Variants in MBNL1 observed in about 807,000 individuals in gnomAD.
MBNL1 encodes muscleblind like splicing regulator 1.
Under a neutral mutation model 42.2 loss-of-function variants are expected in MBNL1, and 8 were observed. The ratio of observed to expected loss-of-function variants is 0.19; its 90% CI spans 0.11 to 0.34. MBNL1 has a LOEUF of 0.34. Among genes scored for constraint, MBNL1 ranks in the 10% least tolerant of loss-of-function variants. The pLI is 1.00. For synonymous variants in MBNL1, 169 were observed against 173.9 expected (o/e 0.97, Z 0.22); for missense variants, 309 against 495.3 (o/e 0.62, Z 3.57).
At chr3:152,351,905 T>C (rs1182844257) in intron 2 of MBNL1, among the ~76,000 whole-genome samples, 1 of 152,252 alleles carries the variant, frequency 6.6e-6, no homozygotes, top group Non-Finnish European at 1.5e-5. Context: ...GATTCAAAAG[T>C]ACTTAGTAAA....
chr3:152,349,635 A>G (rs1412451052), intron 2 of MBNL1, among the ~76,000 whole-genome samples: 6 of 152,156 alleles, frequency 3.9e-5, no homozygotes, highest in African/African-American at 1.4e-4. Flanking sequence ...GAAAGTATTT[A>G]GTTCCTTTTT....
At chr3:152,275,552 A>G (rs1035213321) in intron 1 of MBNL1, among the ~76,000 whole-genome samples, 14 of 151,900 alleles carry the variant, frequency 9.2e-5, no homozygotes, top group African/African-American at 3.1e-4. Context: ...CTACTAAAAT[A>G]CAAAAAATTA....
chr3:152,262,226 C>T (rs1048053823), intron 2 of MBNL1, among the ~76,000 whole-genome samples: 2 of 152,156 alleles, frequency 1.3e-5, no homozygotes, highest in Non-Finnish European at 2.9e-5. Context: ...TATGACTGTA[C>T]TGCTCAGTTC....
chr3:152,359,131 TTAAC>T (rs1273558773), intron 2 of MBNL1, among the ~76,000 whole-genome samples: 1 of 152,226 alleles, frequency 6.6e-6, no homozygotes, highest in Admixed American at 6.5e-5. Context: ...TTATTTGAGT[TTAAC>T]TACATGTATA....
chr3:152,346,411 TA>T (rs1218460347), intron 2 of MBNL1, among the ~76,000 whole-genome samples: 1 of 152,134 alleles, frequency 6.6e-6, no homozygotes, highest in African/African-American at 2.4e-5. Context: ...TGAGATACAT[TA>T]TTTTTAAAAA....
At chr3:152,253,659 T>C (rs2035006611) in intron 2 of MBNL1, among the ~76,000 whole-genome samples, 1 of 152,128 alleles carries the variant, frequency 6.6e-6, no homozygotes, top group Non-Finnish European at 1.5e-5. Flanking sequence ...CTGGCTCTAC[T>C]CCTCATGTTC....
intron 2 of MBNL1, among the ~76,000 whole-genome samples, chr3:152,379,768 A>AT (rs955650471): frequency 1.3e-4 from 20 of 151,824 alleles, no homozygotes; most frequent in Middle Eastern, 6.8e-3. Flanking sequence ...CTTATTTTGC[A>AT]TTTTTTTTCC....
chr3:152,315,342 T>C (rs1218949391), intron 2 of MBNL1, among the ~76,000 whole-genome samples: 2 of 152,200 alleles, frequency 1.3e-5, no homozygotes, highest in South Asian at 2.1e-4. Flanking sequence ...CACCTTTAGA[T>C]TGTCATGTTT....
intron 2 of MBNL1, among the ~76,000 whole-genome samples, chr3:152,372,862 G>C (rs1001138622): frequency 2.0e-5 from 3 of 152,206 alleles, no homozygotes; most frequent in African/African-American, 7.2e-5. Flanking sequence ...AGAGCTGGCA[G>C]GCAGGAACAT....
chr3:152,253,786 C>T (rs1202073287), intron 2 of MBNL1, among the ~76,000 whole-genome samples: 1 of 152,100 alleles, frequency 6.6e-6, no homozygotes, highest in African/African-American at 2.4e-5. Flanking sequence ...TGGGTCTCTT[C>T]TCAAACATAT....
At chr3:152,401,699 A>G (rs2098228127) in intron 2 of MBNL1, among the ~76,000 whole-genome samples, 1 of 152,154 alleles carries the variant, frequency 6.6e-6, no homozygotes, top group African/African-American at 2.4e-5. Context: ...ACTATAGTCC[A>G]GTGAAAGAGG....
intron 5 of MBNL1, chr3:152,446,617 A>G (rs1383409038): frequency 2.1e-6 from 2 of 969,252 alleles, no homozygotes; most frequent in African/African-American, 1.6e-5. Flanking sequence ...TGCTGCCCCC[A>G]TGATGCACCT....
At chr3:152,251,597 C>CT (rs561713927) in intron 2 of MBNL1, among the ~76,000 whole-genome samples, 5 of 151,930 alleles carry the variant, frequency 3.3e-5, no homozygotes, top group East Asian at 3.9e-4. Flanking sequence ...CATATTCACT[C>CT]TTTTTTTTCA....
At position 152,441,880 on chromosome 3, in the gene MBNL1, C is replaced by T. The variant is rs543417384; in HGVS notation, c.550-3402C>T. Among the ~76,000 whole-genome samples, 161 of 152,326 alleles carry T rather than the reference C, an allele frequency of 1.1e-3. 2 individuals carry two copies. The highest frequency in any genetic ancestry group is 1.0e-3 in the Non-Finnish European group (70 of 68,018). ...CGATCTTGGCTCACTGCGACCTCCA[C>T]TTCCCAGGTTCAAGCAATTCTCGTG... On this transcript the variant is annotated intron_variant, in intron 4 of 9. Transcript: ENST00000324210.
intron 1 of MBNL1, among the ~76,000 whole-genome samples, chr3:152,288,599 T>G (rs561249701): frequency 6.6e-6 from 1 of 152,212 alleles, no homozygotes; most frequent in East Asian, 1.9e-4. Flanking sequence ...ATTACCTTAC[T>G]CTTATGACAT....
At chr3:152,274,439 G>A (rs1214195022) in intron 1 of MBNL1, among the ~76,000 whole-genome samples, 1 of 152,070 alleles carries the variant, frequency 6.6e-6, no homozygotes, top group Non-Finnish European at 1.5e-5. Flanking sequence ...CTATAAAGTA[G>A]AAAGTGATAT....
intron 3 of MBNL1, among the ~76,000 whole-genome samples, chr3:152,421,060 G>C (rs1413874133): frequency 1.3e-5 from 2 of 152,174 alleles, no homozygotes; most frequent in Non-Finnish European, 2.9e-5. Flanking sequence ...GTGAAGACAA[G>C]ATTAGAGAAA....
intron 1 of MBNL1, among the ~76,000 whole-genome samples, chr3:152,296,496 C>T (rs775524607): frequency 7.2e-5 from 11 of 152,138 alleles, no homozygotes; most frequent in Admixed American, 1.3e-4. Context: ...ATGAAATATT[C>T]GTGACGCATA....
At chr3:152,276,539 C>T (rs950065595) in intron 1 of MBNL1, among the ~76,000 whole-genome samples, 5 of 151,916 alleles carry the variant, frequency 3.3e-5, no homozygotes, top group South Asian at 2.1e-4. Context: ...AGAACATAAA[C>T]GTTTGGAATA....
Sources: gnomAD v4.1 joint callset for allele counts (sites outside exome capture counted in the v4.1 genomes callset) on GRCh38, gnomAD v4.1.1 for gene constraint, MANE v1.5 for transcripts, NCBI Gene and HGNC (gene_info 2026-07-23, HGNC 2026-07-21) for gene names.